NTM: variants seen among roughly 807,000 people sequenced by gnomAD.
The protein encoded by NTM is IgLON family member 2.
Under a neutral mutation model 42.1 loss-of-function variants are expected in NTM, and 13 were observed. The ratio of observed to expected loss-of-function variants is 0.31; its 90% CI spans 0.20 to 0.49. NTM has a LOEUF of 0.49. Ranked by LOEUF, NTM falls within the 20% of genes least tolerant of loss-of-function variation. NTM has a pLI of 0.99. For synonymous variants in NTM, 187 were observed against 179.2 expected, an observed-to-expected ratio of 1.04 and a Z score of -0.35; for missense variants, 373 against 452.8, an observed-to-expected ratio of 0.82 and a Z score of 1.60.
At chr11:131,636,867 T>C (rs1321334393) in intron 1 of NTM, among the ~76,000 whole-genome samples, 2 of 152,236 alleles carry the variant, frequency 1.3e-5, no homozygotes, top group Non-Finnish European at 2.9e-5. Context: ...AGCTTTCTCC[T>C]TAACTCCTCT....
chr11:132,234,003 A>G (rs536950913), intron 4 of NTM, among the ~76,000 whole-genome samples: 1 of 152,032 alleles, frequency 6.6e-6, no homozygotes, highest in South Asian at 2.1e-4. Flanking sequence ...CTTATTTTCA[A>G]CCTCAGCTAC....
At chr11:131,634,038 G>A (rs2064054812) in intron 1 of NTM, among the ~76,000 whole-genome samples, 1 of 152,118 alleles carries the variant, frequency 6.6e-6, no homozygotes, top group Admixed American at 6.5e-5. Flanking sequence ...TCAAGGCTAT[G>A]TTGAACCAAA....
intron 4 of NTM, among the ~76,000 whole-genome samples, chr11:132,254,785 C>T (rs2092328393): frequency 1.3e-5 from 2 of 152,128 alleles, no homozygotes; most frequent in African/African-American, 4.8e-5. Context: ...AGGTCAGAAT[C>T]CTGTTGCCCC....
At chr11:132,038,705 T>C (rs1000745680) in intron 2 of NTM, among the ~76,000 whole-genome samples, 1 of 152,196 alleles carries the variant, frequency 6.6e-6, no homozygotes, top group African/African-American at 2.4e-5. Context: ...CTGGCAACAG[T>C]GTGCTGACTG....
chr11:131,854,238 T>C (rs1237546282), intron 1 of NTM, among the ~76,000 whole-genome samples: 3 of 152,212 alleles, frequency 2.0e-5, no homozygotes, highest in Admixed American at 1.3e-4. Context: ...ATGGTAATCG[T>C]GGTCAGATAA....
intron 4 of NTM, among the ~76,000 whole-genome samples, chr11:132,216,395 G>A (rs2083871949): frequency 6.6e-6 from 1 of 152,162 alleles, no homozygotes; most frequent in African/African-American, 2.4e-5. Context: ...TTATCTGTGG[G>A]TGTCACTATC....
chr11:131,729,605 G>A (rs1189163074), intron 1 of NTM, among the ~76,000 whole-genome samples: 1 of 151,978 alleles, frequency 6.6e-6, no homozygotes, highest in Non-Finnish European at 1.5e-5. Context: ...CGTCCTCCCA[G>A]CCCCTGGAAA....
At chr11:132,048,651 A>T (rs1433091462) in intron 2 of NTM, among the ~76,000 whole-genome samples, 1 of 152,142 alleles carries the variant, frequency 6.6e-6, no homozygotes, top group African/African-American at 2.4e-5. Context: ...TGGCTCAGGG[A>T]CCCAGAAGTT....
intron 7 of NTM, among the ~76,000 whole-genome samples, chr11:132,326,550 T>C (rs2095687910): frequency 6.6e-6 from 1 of 152,228 alleles, no homozygotes. Flanking sequence ...CTGATGACTC[T>C]GGTTGGAAGG....
At chr11:132,053,211 G>C (rs2079107256) in intron 2 of NTM, among the ~76,000 whole-genome samples, 1 of 152,202 alleles carries the variant, frequency 6.6e-6, no homozygotes, top group African/African-American at 2.4e-5. Flanking sequence ...CAGGCTTAGA[G>C]AGATTGAGTA....
intron 1 of NTM, among the ~76,000 whole-genome samples, chr11:131,804,694 C>A (rs1050516309): frequency 6.6e-6 from 1 of 152,132 alleles, no homozygotes; most frequent in Non-Finnish European, 1.5e-5. Flanking sequence ...ACCCCCAGGC[C>A]GCATACTATG....
intron 1 of NTM, among the ~76,000 whole-genome samples, chr11:131,792,534 G>T (rs1278170069): frequency 2.0e-5 from 3 of 152,242 alleles, no homozygotes; most frequent in Non-Finnish European, 4.4e-5. Context: ...AACCTCATGT[G>T]ATCTCTACCA....
At chr11:131,623,272 TG>T (rs1474315947) in intron 1 of NTM, among the ~76,000 whole-genome samples, 4 of 152,216 alleles carry the variant, frequency 2.6e-5, no homozygotes, top group African/African-American at 9.6e-5. Context: ...GCCCCTTCCT[TG>T]GCAGCATGGA....
chr11:132,336,587 A>G lies in NTM; in HGVS notation c.*1441A>G, dbSNP rs1261062167. Reference sequence around the variant, plus strand: ...TCTCTGATGCCTTTGTGACCACTGGAGAGTTTAATCCTCTTGGTTTATTTT... The same window carrying G: ...TCTCTGATGCCTTTGTGACCACTGGGGAGTTTAATCCTCTTGGTTTATTTT... On this transcript the variant is annotated 3_prime_UTR_variant, in exon 9 of 9. Coordinates refer to ENST00000683400, the MANE Select transcript of NTM (RefSeq NM_001352005.2). 3.3e-5 allele frequency: 5 copies of G among 152,570 alleles called. No homozygotes were observed. The highest frequency in any genetic ancestry group is 1.9e-4 in the East Asian group (1 of 5,188). The allele number at this position is 152,570 out of a possible 1,614,324, so 9.5% of individuals were successfully genotyped here. A position where few individuals can be genotyped will look rare whatever the true frequency, so the allele number is the denominator to read the frequency against.
At chr11:132,038,069 C>A (rs11222878) in intron 2 of NTM, among the ~76,000 whole-genome samples, 2 of 152,124 alleles carry the variant, frequency 1.3e-5, no homozygotes, top group Non-Finnish European at 2.9e-5. Context: ...TGGTTTTTCA[C>A]CTGCTTGAAA....
intron 6 of NTM, 79 bp from the exon 7 acceptor site, chr11:132,314,473 G>T: frequency 1.4e-6 from 2 of 1,468,036 alleles, no homozygotes; most frequent in South Asian, 2.9e-5. Context: ...AGAAGACCAG[G>T]AATCCCTGGG....
At chr11:131,963,719 G>A (rs1255116460) in intron 2 of NTM, among the ~76,000 whole-genome samples, 2 of 152,188 alleles carry the variant, frequency 1.3e-5, no homozygotes, top group East Asian at 3.8e-4. Flanking sequence ...TTTCTGCCCT[G>A]ACAGAGCTTA....
chr11:131,524,939 A>G (rs2050249074), intron 1 of NTM, among the ~76,000 whole-genome samples: 1 of 152,194 alleles, frequency 6.6e-6, no homozygotes, highest in Non-Finnish European at 1.5e-5. Flanking sequence ...CACTGTCATG[A>G]GGATTGAGTG....
chr11:131,787,638 C>T (rs2136070106), intron 1 of NTM, among the ~76,000 whole-genome samples: 1 of 152,236 alleles, frequency 6.6e-6, no homozygotes, highest in Admixed American at 6.5e-5. Context: ...CCCACCTTGG[C>T]CTCCCAAAGT....
Sources: gnomAD v4.1 joint callset for allele counts (sites outside exome capture counted in the v4.1 genomes callset) on GRCh38, gnomAD v4.1.1 for gene constraint, MANE v1.5 for transcripts, NCBI Gene and HGNC (gene_info 2026-07-23, HGNC 2026-07-21) for gene names.